The following HLCS variants were observed in gnomAD, a reference collection of about 807,000 sequenced individuals.
HLCS encodes the protein biotin--protein ligase.
In HLCS, 53 loss-of-function variants were observed where a neutral mutation model predicts 75.0. That is an observed-to-expected ratio of 0.71 (90% confidence interval 0.57 to 0.89). The LOEUF (loss-of-function observed/expected upper bound fraction) is 0.89. HLCS is among the 40% of genes least tolerant of loss of function. The probability of loss-of-function intolerance (pLI) is 0.00; values close to 1 mark genes in which losing one functional copy is unlikely to be tolerated. For synonymous variants in HLCS, 431 were observed against 428.6 expected (o/e 1.01, Z -0.07); for missense variants, 966 against 1,074.0 (o/e 0.90, Z 1.41).
At chr21:36,938,023 A>G (rs2066973822) in intron 3 of HLCS, among the ~76,000 whole-genome samples, 1 of 152,214 alleles carries the variant, frequency 6.6e-6, no homozygotes, top group East Asian at 1.9e-4. Context: ...TTATTTGCCC[A>G]TCAGATGAAA....
chr21:36,922,398 C>T (rs1471068001), intron 5 of HLCS, among the ~76,000 whole-genome samples: 1 of 152,098 alleles, frequency 6.6e-6, no homozygotes, highest in Non-Finnish European at 1.5e-5. Flanking sequence ...AAAGAAAAGA[C>T]CCACGACACC....
intron 6 of HLCS, among the ~76,000 whole-genome samples, chr21:36,822,489 A>G (rs1354141353): frequency 6.6e-6 from 1 of 152,206 alleles, no homozygotes; most frequent in Non-Finnish European, 1.5e-5. Flanking sequence ...GACTTCATAA[A>G]GCATATTTAT....
intron 5 of HLCS, among the ~76,000 whole-genome samples, chr21:36,920,018 G>A (rs377582028): frequency 6.6e-6 from 1 of 152,198 alleles, no homozygotes; most frequent in Non-Finnish European, 1.5e-5. Context: ...CAACAGAACA[G>A]AGAAGGGTTT....
intron 5 of HLCS, among the ~76,000 whole-genome samples, chr21:36,912,494 G>A (rs2065761888): frequency 6.6e-6 from 1 of 152,058 alleles, no homozygotes; most frequent in Admixed American, 6.6e-5. Context: ...ACAGGGAGAG[G>A]GGAAGGGGAA....
At chr21:36,860,524 T>C (rs2063350463) in intron 6 of HLCS, among the ~76,000 whole-genome samples, 1 of 152,252 alleles carries the variant, frequency 6.6e-6, no homozygotes, top group South Asian at 2.1e-4. Flanking sequence ...ATTTTAATTA[T>C]TACTTTTAAT....
Position 36,754,091 on chromosome 21 carries a change from G to C in HLCS, c.*155C>G. On this transcript the variant is annotated 3_prime_UTR_variant, in exon 11 of 11. Coordinates refer to ENST00000674895, the MANE Select transcript of HLCS (RefSeq NM_001352514.2). ...AGCCTCTTCAAACACCAAAGAAAAC[G>C]ACAACAAAACAAACCTAAAAACAAA... is the stretch of plus-strand genomic sequence containing the variant. The C allele has an allele frequency of 1.2e-6, 1 of 857,772 alleles. No individual in the cohort carries two copies. Among genetic ancestry groups the C allele is most frequent in the Non-Finnish European group, 1.8e-6 (1 of 554,560 alleles). The allele number at this position is 857,772 out of a possible 1,614,324, so 53.1% of individuals were successfully genotyped here.
upstream of HLCS, among the ~76,000 whole-genome samples, chr21:36,967,863 G>A (rs1186419355): frequency 2.0e-5 from 3 of 151,908 alleles, no homozygotes; most frequent in African/African-American, 7.3e-5. Flanking sequence ...GGGATTACAG[G>A]TGCCCGTCAC....
chr21:36,784,671 C>T (rs141622096), intron 6 of HLCS, among the ~76,000 whole-genome samples: 1 of 152,228 alleles, frequency 6.6e-6, no homozygotes, highest in East Asian at 1.9e-4. Flanking sequence ...GGCTATAAGG[C>T]TTTCTAGAAA....
rs202193393 is a variant in HLCS, at chr21:36,936,868, C to T, written c.1018G>A (p.Asp340Asn). 1 of 1,614,170 alleles carries T rather than the reference C, an allele frequency of 6.2e-7. No individual in the cohort carries two copies. The highest frequency in any genetic ancestry group is 8.5e-7 in the Non-Finnish European group (1 of 1,180,048). The change falls in exon 4 of 11, where the codon GAC becomes AAC. Residue 340 changes from aspartate (D) to asparagine (N), a missense_variant. By Grantham distance (23) the Asp-to-Asn change is conservative. Transcript: ENST00000674895. ...AGCAGGTGGTAGAGAATATAACTGT[C>T]AATGTCCACACAGTCGGCCAGCACA... ...RSVLADCVDI[D>N]SYILYHLLED...
intron 6 of HLCS, among the ~76,000 whole-genome samples, chr21:36,808,338 TACTC>T (rs2061418273): frequency 6.6e-6 from 1 of 152,222 alleles, no homozygotes; most frequent in Non-Finnish European, 1.5e-5. Flanking sequence ...TATTTCCTTT[TACTC>T]ATTTAGTCAA....
intron 6 of HLCS, among the ~76,000 whole-genome samples, chr21:36,868,523 G>A (rs898969728): frequency 3.3e-5 from 5 of 152,072 alleles, no homozygotes; most frequent in African/African-American, 4.8e-5. Context: ...TCTATAGAAC[G>A]TAACAATTTT....
intron 6 of HLCS, among the ~76,000 whole-genome samples, chr21:36,810,835 T>C (rs531372876): frequency 6.6e-6 from 1 of 152,166 alleles, no homozygotes; most frequent in Non-Finnish European, 1.5e-5. Context: ...GAATACCTTA[T>C]TATGCCAGAG....
At chr21:36,931,591 A>G (rs1368425058) in intron 4 of HLCS, among the ~76,000 whole-genome samples, 1 of 152,032 alleles carries the variant, frequency 6.6e-6, no homozygotes, top group African/African-American at 2.4e-5. Context: ...CTCTACAAAA[A>G]ATACAAAAAT....
At chr21:36,867,997 C>T (rs1452090281) in intron 6 of HLCS, among the ~76,000 whole-genome samples, 1 of 151,616 alleles carries the variant, frequency 6.6e-6, no homozygotes, top group Non-Finnish European at 1.5e-5. Flanking sequence ...ACTAAAAATA[C>T]AAAAATTAGC....
chr21:36,815,550 C>T (rs1211789399), intron 6 of HLCS, among the ~76,000 whole-genome samples: 6 of 152,180 alleles, frequency 3.9e-5, no homozygotes, highest in South Asian at 2.1e-4. Context: ...CAGAGCAGTA[C>T]GCTTAAGAAT....
chr21:36,883,237 C>A (rs7283004), intron 6 of HLCS, among the ~76,000 whole-genome samples: 1 of 152,136 alleles, frequency 6.6e-6, no homozygotes, highest in Non-Finnish European at 1.5e-5. Context: ...TCAACTCTCA[C>A]CTCCAAAGCA....
chr21:36,969,017 A>C (rs529053888), upstream of HLCS, among the ~76,000 whole-genome samples: 1 of 152,182 alleles, frequency 6.6e-6, no homozygotes, highest in Middle Eastern at 3.2e-3. Context: ...CTGTATACCA[A>C]TTCTAGGTTA....
chr21:36,863,327 T>C (rs1314966200), intron 6 of HLCS, among the ~76,000 whole-genome samples: 1 of 151,996 alleles, frequency 6.6e-6, no homozygotes, highest in Non-Finnish European at 1.5e-5. Flanking sequence ...GAGAGAGAAC[T>C]GACCATCGCC....
At chr21:36,958,024 G>GT (rs1555969435) in intron 2 of HLCS, among the ~76,000 whole-genome samples, 1 of 151,380 alleles carries the variant, frequency 6.6e-6, no homozygotes, top group Non-Finnish European at 1.5e-5. Flanking sequence ...TCAGGAGATC[G>GT]AAACCATCCT....
Sources: allele counts gnomAD v4.1 joint callset (sites outside exome capture counted in the v4.1 genomes callset), GRCh38; gene constraint gnomAD v4.1.1; transcripts MANE v1.5; gene names NCBI Gene and HGNC (gene_info 2026-07-23, HGNC 2026-07-21).